Variants in DDAH1 observed in about 807,000 individuals in gnomAD.
DDAH1 encodes the protein dimethylarginine dimethylaminohydrolase 1.
Under a neutral mutation model 28.8 loss-of-function variants are expected in DDAH1, and 19 were observed. The observed-to-expected ratio is 0.66, with a 90% confidence interval of 0.46 to 0.97. The LOEUF (loss-of-function observed/expected upper bound fraction) is 0.97, where lower values mean the gene tolerates loss of function less well. Ranked by LOEUF, DDAH1 falls within the 50% of genes least tolerant of loss-of-function variation. The pLI, the probability that DDAH1 is intolerant of heterozygous loss-of-function variation, is 0.00. For missense variants in DDAH1, 326 were observed against 375.9 expected (o/e 0.87, Z 1.10); for synonymous variants, 153 against 154.4 (o/e 0.99, Z 0.07).
chr1:85,435,972 G>T (rs1195353758), intron 1 of DDAH1, among the ~76,000 whole-genome samples: 96 of 106,986 alleles, frequency 9.0e-4, no homozygotes, highest in African/African-American at 2.7e-3. Context: ...GTGTGTGTGT[G>T]TGTGTGTGTG....
chr1:85,404,482 A>C, intron 1 of DDAH1: 2 of 1,522,712 alleles, frequency 1.3e-6, no homozygotes, highest in Non-Finnish European at 1.8e-6. Context: ...CACCTGTGTT[A>C]CTGAAGAACA....
intron 1 of DDAH1, among the ~76,000 whole-genome samples, chr1:85,509,336 G>A (rs772639997): frequency 1.2e-4 from 18 of 152,176 alleles, no homozygotes; most frequent in Non-Finnish European, 2.2e-4. Context: ...AACCCCATCT[G>A]TAGGTCACCA....
upstream of DDAH1, among the ~76,000 whole-genome samples, chr1:85,465,649 A>T (rs971166990): frequency 1.3e-5 from 2 of 152,170 alleles, no homozygotes; most frequent in Non-Finnish European, 2.9e-5. Context: ...GGCCTTACCT[A>T]AAGTACAAGT....
At chr1:85,460,545 T>C (rs1438645741) in intron 1 of DDAH1, among the ~76,000 whole-genome samples, 3 of 152,062 alleles carry the variant, frequency 2.0e-5, no homozygotes, top group Non-Finnish European at 1.5e-5. Flanking sequence ...AAGGATAAAA[T>C]AGCTGTTAAA....
At chr1:85,380,100 T>C (rs1458729774) in intron 1 of DDAH1, among the ~76,000 whole-genome samples, 4 of 152,214 alleles carry the variant, frequency 2.6e-5, no homozygotes, top group African/African-American at 9.6e-5. Context: ...TTCTTTTTCT[T>C]TCTCAATCTT....
intron 1 of DDAH1, among the ~76,000 whole-genome samples, chr1:85,376,429 A>G (rs12139958): frequency 0.16 from 24,068 of 152,206 alleles, 2,281 homozygotes; most frequent in Admixed American, 0.22. Flanking sequence ...TTCTTTCATC[A>G]AACAGCAGTT....
At chr1:85,578,004 C>T in exon 1 of DDAH1, 2 of 985,502 alleles carry the variant, frequency 2.0e-6, no homozygotes, top group Non-Finnish European at 2.4e-6. Flanking sequence ...TTGCACATTT[C>T]GCCTCCTGTC....
chr1:85,478,974 C>A (rs570875654), intron 2 of DDAH1, among the ~76,000 whole-genome samples: 1 of 152,162 alleles, frequency 6.6e-6, no homozygotes, highest in South Asian at 2.1e-4. Flanking sequence ...TATGGTGAAA[C>A]TAATACATGC....
At chr1:85,541,120 T>C (rs1658460041) in intron 1 of DDAH1, among the ~76,000 whole-genome samples, 1 of 152,196 alleles carries the variant, frequency 6.6e-6, no homozygotes, top group Non-Finnish European at 1.5e-5. Context: ...ATGTCACCAC[T>C]ATTCAGCCAA....
intron 1 of DDAH1, among the ~76,000 whole-genome samples, chr1:85,422,177 T>G (rs750338306): frequency 1.3e-5 from 2 of 152,234 alleles, no homozygotes; most frequent in African/African-American, 2.4e-5. Flanking sequence ...AAGCATCTTT[T>G]CAAATTTTTT....
chr1:85,435,406 A>G (rs1380853976), intron 1 of DDAH1: 3 of 152,214 alleles, frequency 2.0e-5, no homozygotes, highest in Non-Finnish European at 4.4e-5. Context: ...TCATTCACTA[A>G]ATATTCATTG....
chr1:85,416,965 C>G (rs1267077539), intron 1 of DDAH1, among the ~76,000 whole-genome samples: 1 of 152,118 alleles, frequency 6.6e-6, no homozygotes, highest in Non-Finnish European at 1.5e-5. Context: ...ACTACTGCAC[C>G]TGGATGAACT....
Position 85,517,983 on chromosome 1 carries a change from T to C in DDAH1, c.-122-21702A>G, listed in dbSNP as rs7538405. Among the ~76,000 whole-genome samples, 416 of 152,278 alleles carry C rather than the reference T, an allele frequency of 2.7e-3. 2 individuals are homozygous for C. The highest frequency in any genetic ancestry group is 5.0e-3 in the Non-Finnish European group (339 of 68,018). On this transcript the variant is annotated intron_variant, in intron 1 of 6. Coordinates refer to the DDAH1 transcript ENST00000426972. The stretch of plus-strand genomic sequence containing the variant: ...CCTATCGTTCAAAATTAATGAGATG[T>C]TATTCATAAAGTATCTAATTGTGCA...
At chr1:85,568,771 C>T (rs569035258) in intron 1 of DDAH1, among the ~76,000 whole-genome samples, 14 of 152,290 alleles carry the variant, frequency 9.2e-5, no homozygotes, top group Non-Finnish European at 1.8e-4. Context: ...AAAAACACAG[C>T]TTGCCCTTCC....
intron 1 of DDAH1, among the ~76,000 whole-genome samples, chr1:85,553,800 A>C (rs992769174): frequency 6.6e-6 from 1 of 152,232 alleles, no homozygotes; most frequent in South Asian, 2.1e-4. Flanking sequence ...CAGGTGCTAC[A>C]TAACTGGATA....
chr1:85,387,992 A>G (rs1015730207), intron 1 of DDAH1, among the ~76,000 whole-genome samples: 1 of 152,180 alleles, frequency 6.6e-6, no homozygotes, highest in African/African-American at 2.4e-5. Context: ...CTTTTTAACA[A>G]TCAGTTCCAG....
At position 85,464,518 on chromosome 1, in the gene DDAH1, A is replaced by T. The variant is rs1049322596; in HGVS notation, c.303+225T>A. 1 of 1,469,104 alleles carries T rather than the reference A, an allele frequency of 6.8e-7. No individual in the cohort carries two copies. The highest frequency in any genetic ancestry group is 9.0e-7 in the Non-Finnish European group (1 of 1,107,752). 91.0% of individuals were successfully genotyped at this position (1,469,104 alleles called of 1,614,324 possible). On this transcript the variant is annotated intron_variant, in intron 1 of 5. Transcript: ENST00000284031. This position sits in a 1 kb window ranked among gnomAD's most constrained non-coding sequence, Gnocchi z 4.4. ...CACCTGCCCGAGACCGTACAACCACATTGAATCGGATCCTCCAGAAGGCTG... is the reference window on the plus strand; with the variant it reads ...CACCTGCCCGAGACCGTACAACCACTTTGAATCGGATCCTCCAGAAGGCTG...
intron 1 of DDAH1, among the ~76,000 whole-genome samples, chr1:85,460,097 T>C (rs529268483): frequency 6.6e-6 from 1 of 152,294 alleles, no homozygotes; most frequent in East Asian, 1.9e-4. Flanking sequence ...TCCTTATCTT[T>C]TGAATAGGGT....
intron 1 of DDAH1, among the ~76,000 whole-genome samples, chr1:85,446,544 G>A (rs1654433742): frequency 6.6e-6 from 1 of 152,108 alleles, no homozygotes; most frequent in Non-Finnish European, 1.5e-5. Flanking sequence ...AACCCACCTG[G>A]CCCACTTGAT....
Sources: allele counts gnomAD v4.1 joint callset (sites outside exome capture counted in the v4.1 genomes callset), GRCh38; gene constraint gnomAD v4.1.1; non-coding constraint Gnocchi (gnomAD v3.1); transcripts MANE v1.5; gene names NCBI Gene and HGNC (gene_info 2026-07-23, HGNC 2026-07-21).